FHIT: variants seen among roughly 807,000 people sequenced by gnomAD.
FHIT encodes bis(5'-adenosyl)-triphosphatase.
FHIT carries 19 observed loss-of-function variants against 17.9 expected under a neutral mutation model. The ratio of observed to expected loss-of-function variants is 1.06; its 90% CI spans 0.74 to 1.56. The LOEUF (loss-of-function observed/expected upper bound fraction) is 1.56. Ranked by LOEUF, FHIT falls within the 40% of genes most tolerant of loss-of-function variation. FHIT has a pLI of 0.00. For synonymous variants in FHIT, 81 were observed against 69.7 expected (o/e 1.16, Z -0.81); for missense variants, 248 against 189.2 (o/e 1.31, Z -1.82).
At chr3:60,270,859 C>A (rs372057705) in intron 5 of FHIT, among the ~76,000 whole-genome samples, 1 of 152,180 alleles carries the variant, frequency 6.6e-6, no homozygotes, top group East Asian at 1.9e-4. Flanking sequence ...AAAGCCATAT[C>A]TGCTGTTAAA....
chr3:60,496,886 A>C (rs923383215), intron 5 of FHIT, among the ~76,000 whole-genome samples: 1 of 152,208 alleles, frequency 6.6e-6, no homozygotes, highest in African/African-American at 2.4e-5. Context: ...AGCAGGACAC[A>C]GTCAAGAAAA....
At chr3:61,127,431 T>C (rs1168638938) in intron 2 of FHIT, among the ~76,000 whole-genome samples, 6 of 152,212 alleles carry the variant, frequency 3.9e-5, no homozygotes, top group Non-Finnish European at 7.3e-5. Flanking sequence ...AATCAAATGT[T>C]AATTGGCAAA....
At chr3:61,087,300 AAACT>A (rs949244057) in intron 2 of FHIT, among the ~76,000 whole-genome samples, 3 of 152,172 alleles carry the variant, frequency 2.0e-5, no homozygotes, top group African/African-American at 4.8e-5. Context: ...AGAGAACAAC[AAACT>A]AAGAATATGT....
chr3:60,405,938 A>C (rs1467061484), intron 5 of FHIT, among the ~76,000 whole-genome samples: 4 of 152,202 alleles, frequency 2.6e-5, no homozygotes, highest in Non-Finnish European at 5.9e-5. Context: ...TGGCAACAAT[A>C]ATCAACCACT....
At chr3:60,642,655 G>C (rs376631312) in intron 4 of FHIT, among the ~76,000 whole-genome samples, 16 of 151,652 alleles carry the variant, frequency 1.1e-4, no homozygotes, top group African/African-American at 3.7e-4. Flanking sequence ...CGAAAGAGAA[G>C]AGTTCAGAGC....
intron 2 of FHIT, among the ~76,000 whole-genome samples, chr3:61,118,785 G>GT (rs1185477057): frequency 6.6e-6 from 1 of 152,110 alleles, no homozygotes; most frequent in Non-Finnish European, 1.5e-5. Flanking sequence ...CTCACACATG[G>GT]TAAGTTCTCC....
intron 5 of FHIT, among the ~76,000 whole-genome samples, chr3:60,461,621 A>G (rs1016440942): frequency 6.6e-6 from 1 of 152,124 alleles, no homozygotes; most frequent in Non-Finnish European, 1.5e-5. Context: ...ATTATTCCCT[A>G]TTTGATATTT....
intron 5 of FHIT, among the ~76,000 whole-genome samples, chr3:60,294,106 C>T (rs747937503): frequency 2.6e-5 from 4 of 152,032 alleles, no homozygotes; most frequent in Non-Finnish European, 5.9e-5. Context: ...CTTCAGGGGT[C>T]GAAGAGGGAA....
At chr3:60,421,538 A>G (rs1702465705) in intron 5 of FHIT, among the ~76,000 whole-genome samples, 1 of 152,146 alleles carries the variant, frequency 6.6e-6, no homozygotes, top group Admixed American at 6.6e-5. Flanking sequence ...TTTTACTAGG[A>G]GAAAATCATG....
intron 2 of FHIT, among the ~76,000 whole-genome samples, chr3:61,087,638 A>T (rs956697709): frequency 6.6e-6 from 1 of 152,216 alleles, no homozygotes; most frequent in Non-Finnish European, 1.5e-5. Flanking sequence ...GACAAAAACA[A>T]TAAGGCTCTG....
At chr3:60,316,069 T>C (rs1709151757) in intron 5 of FHIT, among the ~76,000 whole-genome samples, 1 of 152,224 alleles carries the variant, frequency 6.6e-6, no homozygotes, top group Admixed American at 6.5e-5. Context: ...ACATTGTTCT[T>C]GGAAAAATCC....
At chr3:60,027,674 GA>G in intron 5 of FHIT, among the ~76,000 whole-genome samples, 1 of 149,004 alleles carries the variant, frequency 6.7e-6, no homozygotes, top group South Asian at 2.1e-4. Context: ...CGTTCTCCCT[GA>G]AAACGTACTC....
intron 2 of FHIT, among the ~76,000 whole-genome samples, chr3:61,125,917 T>A (rs1481772468): frequency 6.6e-6 from 1 of 152,214 alleles, no homozygotes; most frequent in Non-Finnish European, 1.5e-5. Context: ...CTCCAGTCCA[T>A]ATACACTGTG....
chr3:59,758,022 A>G (rs1701308591), intron 8 of FHIT, among the ~76,000 whole-genome samples: 1 of 152,196 alleles, frequency 6.6e-6, no homozygotes, highest in South Asian at 2.1e-4. Flanking sequence ...TCATGCATAG[A>G]TAATTTAATA....
At chr3:60,944,939 G>A (rs193150823) in intron 3 of FHIT, among the ~76,000 whole-genome samples, 3 of 152,272 alleles carry the variant, frequency 2.0e-5, no homozygotes, top group Admixed American at 6.5e-5. Flanking sequence ...TAAGGATACA[G>A]AAGTCATAAG....
chr3:60,702,592 T>C (rs998090217), intron 4 of FHIT, among the ~76,000 whole-genome samples: 14 of 152,146 alleles, frequency 9.2e-5, no homozygotes, highest in African/African-American at 3.4e-4. Context: ...TATATATTTA[T>C]TTTGTGATCA....
intron 4 of FHIT, among the ~76,000 whole-genome samples, chr3:60,787,811 T>C (rs1183875318): frequency 6.6e-6 from 1 of 152,238 alleles, no homozygotes; most frequent in African/African-American, 2.4e-5. Context: ...TCCACCTTCT[T>C]GCTCCATCTC....
At chr3:60,708,739 T>C (rs2041438568) in intron 4 of FHIT, among the ~76,000 whole-genome samples, 1 of 152,186 alleles carries the variant, frequency 6.6e-6, no homozygotes, top group African/African-American at 2.4e-5. Flanking sequence ...ATGTTAAGAC[T>C]CATTGTTGGC....
intron 3 of FHIT, among the ~76,000 whole-genome samples, chr3:60,976,881 G>GTT (rs75027281): frequency 2.0e-3 from 293 of 145,668 alleles, no homozygotes; most frequent in African/African-American, 7.0e-3. Flanking sequence ...CTGAATACTT[G>GTT]TTTTTTTTTT....
Sources: gnomAD v4.1 joint callset for allele counts (sites outside exome capture counted in the v4.1 genomes callset) on GRCh38, gnomAD v4.1.1 for gene constraint, MANE v1.5 for transcripts, NCBI Gene and HGNC (gene_info 2026-07-23, HGNC 2026-07-21) for gene names.